CAT: variants seen among roughly 807,000 people sequenced by gnomAD.
The protein encoded by CAT is epididymis secretory sperm binding protein.
CAT carries 43 observed loss-of-function variants against 59.0 expected under a neutral mutation model. That is an observed-to-expected ratio of 0.73 (90% CI 0.57 to 0.94). The LOEUF (loss-of-function observed/expected upper bound fraction) is 0.94, where lower values mean the gene tolerates loss of function less well. CAT is among the 40% of genes least tolerant of loss of function. The probability of loss-of-function intolerance (pLI) is 0.00; values close to 1 mark genes in which losing one functional copy is unlikely to be tolerated. For missense variants in CAT, 664 were observed against 682.9 expected (o/e 0.97, Z 0.31); for synonymous variants, 218 against 230.9 (o/e 0.94, Z 0.51).
At chr11:34,470,855 T>C in intron 11 of CAT, 103 bp from the exon 12 acceptor site, 1 of 950,554 alleles carries the variant, frequency 1.1e-6, no homozygotes, top group Non-Finnish European at 1.7e-6. Flanking sequence ...TGCTGAAACG[T>C]CTTTCCTCCC....
At chr11:34,439,896 G>A (rs1279109308) in intron 1 of CAT, among the ~76,000 whole-genome samples, 1 of 152,182 alleles carries the variant, frequency 6.6e-6, no homozygotes, top group Non-Finnish European at 1.5e-5. Context: ...CAGGTGGGCC[G>A]GACAAAGCAG....
chr11:34,467,420 A>T (rs1856731317), intron 10 of CAT, among the ~76,000 whole-genome samples: 1 of 152,196 alleles, frequency 6.6e-6, no homozygotes, highest in Non-Finnish European at 1.5e-5. Flanking sequence ...TTTAAACTTT[A>T]CTCAAAAATT....
rs1473683401 is a variant in CAT, at chr11:34,460,391, C to CAA, written c.1057-859_1057-858insAA. On this transcript the variant is annotated intron_variant, in intron 8 of 12. Transcript: ENST00000241052. ...ATTGTTGTTTATATCTAGAAAGTCT[C>CAA]AGAGCTCAAAGTGTTTCTGAGATAA... 2.7e-5 allele frequency among the ~76,000 whole-genome samples: 4 copies of CAA among 149,112 alleles called. No individual in the cohort carries two copies. The South Asian group carries it at 8.4e-4, about 31-fold the overall frequency.
At chr11:34,457,784 C>CT (rs1237541689) in intron 8 of CAT, among the ~76,000 whole-genome samples, 1 of 152,154 alleles carries the variant, frequency 6.6e-6, no homozygotes, top group Admixed American at 6.5e-5. Flanking sequence ...AGACTGTGAC[C>CT]TTGAAACAAA....
intron 8 of CAT, among the ~76,000 whole-genome samples, chr11:34,460,512 G>A (rs993176543): frequency 5.1e-5 from 7 of 136,936 alleles, no homozygotes; most frequent in Non-Finnish European, 1.1e-4. Flanking sequence ...GCAGTGACAC[G>A]ATTGCAGCTC....
intron 8 of CAT, 55 bp downstream of exon 8, chr11:34,456,872 C>T (rs1396942557): frequency 6.4e-7 from 1 of 1,556,340 alleles, no homozygotes; most frequent in Admixed American, 1.7e-5. Context: ...AGCATGCACA[C>T]ACAAAATATG....
chr11:34,466,446 T>A (rs16925606), intron 10 of CAT, among the ~76,000 whole-genome samples: 2,594 of 152,154 alleles, frequency 0.017, 70 homozygotes, highest in African/African-American at 0.058. Flanking sequence ...AATGGAACTG[T>A]CAGATACAGG....
At chr11:34,446,364 A>G (rs1020474337) in intron 1 of CAT, among the ~76,000 whole-genome samples, 2 of 151,948 alleles carry the variant, frequency 1.3e-5, no homozygotes, top group African/African-American at 4.8e-5. Context: ...TAACTTAAAA[A>G]CTCAGGTTTC....
At chr11:34,449,041 G>GCCCA (rs1344404650) in intron 1 of CAT, 151 bp from the exon 2 acceptor site, 16 of 693,726 alleles carry the variant, frequency 2.3e-5, no homozygotes, top group Admixed American at 4.7e-5. Context: ...TCAGGCAATG[G>GCCCA]CCCATCCTGT....
intron 2 of CAT, among the ~76,000 whole-genome samples, chr11:34,449,925 G>C (rs1281641524): frequency 6.6e-6 from 1 of 152,182 alleles, no homozygotes; most frequent in Admixed American, 6.5e-5. Context: ...TGGGGTACAA[G>C]GCAAGAGCCA....
intron 8 of CAT, among the ~76,000 whole-genome samples, chr11:34,459,022 A>G (rs1222167704): frequency 1.3e-5 from 2 of 151,690 alleles, no homozygotes; most frequent in Non-Finnish European, 2.9e-5. Context: ...TTTTTTTTAA[A>G]TGAGTTTTAG....
intron 2 of CAT, among the ~76,000 whole-genome samples, 153 bp downstream of exon 2, chr11:34,449,516 T>C (rs548259836): frequency 6.6e-6 from 1 of 152,344 alleles, no homozygotes; most frequent in East Asian, 1.9e-4. Flanking sequence ...AATTAGTAAA[T>C]AAATGATGGT....
chr11:34,456,760 C>T lies in CAT; in HGVS notation c.999C>T (p.Ala333=), dbSNP rs756704996. ...VNYFAEVEQI[A]FDPSNMPPGI... ...ACTTTGCTGAGGTTGAACAGATAGC[C>T]TTCGACCCAAGCAACATGCCACCTG... The change falls in exon 8 of 13, where the codon GCC becomes GCT. Residue 333 remains alanine, a synonymous_variant. Coordinates refer to ENST00000241052, the MANE Select transcript of CAT (RefSeq NM_001752.4). 6.2e-7 allele frequency: 1 copy of T among 1,614,174 alleles called. No individual in the cohort carries two copies. The highest frequency in any genetic ancestry group is 1.7e-5 in the Admixed American group (1 of 60,036).
At chr11:34,461,043 A>C in intron 8 of CAT, 1 of 646,918 alleles carries the variant, frequency 1.5e-6, no homozygotes, top group Non-Finnish European at 2.8e-6. Context: ...GGTTGGCCAG[A>C]GGGCCTGGGA....
In CAT at chr11:34,438,951, G is replaced by C. The variant is rs1156239371; in HGVS notation, c.-63G>C. ...CTCGGGGCAACAGGCAGATTTGCCTGCTGAGGGTGGAGACCCACGAGCCGA... is the reference window on the plus strand; with the variant it reads ...CTCGGGGCAACAGGCAGATTTGCCTCCTGAGGGTGGAGACCCACGAGCCGA... On this transcript the variant is annotated 5_prime_UTR_variant, in exon 1 of 13. Coordinates refer to ENST00000241052, the MANE Select transcript of CAT (RefSeq NM_001752.4). The C allele has an allele frequency of 4.2e-6, 6 of 1,432,114 alleles. No homozygotes were observed. Among genetic ancestry groups the C allele is most frequent in the Non-Finnish European group, 5.8e-6 (6 of 1,037,866 alleles). The allele number at this position is 1,432,114 out of a possible 1,614,324, so 88.7% of individuals were successfully genotyped here.
At chr11:34,440,589 G>A (rs1238985423) in intron 1 of CAT, among the ~76,000 whole-genome samples, 1 of 149,302 alleles carries the variant, frequency 6.7e-6, no homozygotes, top group Non-Finnish European at 1.5e-5. Flanking sequence ...TTGAGACGGA[G>A]TCTTGCTCTG....
intron 9 of CAT, among the ~76,000 whole-genome samples, chr11:34,462,837 G>A (rs972044659): frequency 6.6e-6 from 1 of 152,210 alleles, no homozygotes; most frequent in Admixed American, 6.5e-5. Context: ...GGGCTCATTT[G>A]GAAGTAGGAT....
At chr11:34,459,347 A>T (rs1027203245) in intron 8 of CAT, among the ~76,000 whole-genome samples, 1 of 152,174 alleles carries the variant, frequency 6.6e-6, no homozygotes, top group Non-Finnish European at 1.5e-5. Flanking sequence ...GTGGCGGTTG[A>T]TATATTAATG....
chr11:34,446,783 C>T (rs1192546913), intron 1 of CAT, among the ~76,000 whole-genome samples: 1 of 151,890 alleles, frequency 6.6e-6, no homozygotes, highest in African/African-American at 2.4e-5. Context: ...CTGCTGTTGC[C>T]CAGGCTGGAG....
Sources: gnomAD v4.1 joint callset for allele counts (sites outside exome capture counted in the v4.1 genomes callset) on GRCh38, gnomAD v4.1.1 for gene constraint, MANE v1.5 for transcripts, NCBI Gene and HGNC (gene_info 2026-07-23, HGNC 2026-07-21) for gene names.